KIRREL3: variants seen among roughly 807,000 people sequenced by gnomAD.
The protein encoded by KIRREL3 is kirre like nephrin family adhesion molecule 3, also known as kin of IRRE-like protein 3.
Under a neutral mutation model 89.7 loss-of-function variants are expected in KIRREL3, and 36 were observed. The observed-to-expected ratio is 0.40, with a 90% CI of 0.31 to 0.53. The LOEUF (loss-of-function observed/expected upper bound fraction) is 0.53, where lower values mean the gene tolerates loss of function less well. Among genes scored for constraint, KIRREL3 ranks in the 20% least tolerant of loss-of-function variants. The pLI, the probability that KIRREL3 is intolerant of heterozygous loss-of-function variation, is 0.49. For synonymous variants in KIRREL3, 445 were observed against 441.4 expected (o/e 1.01, Z -0.10); for missense variants, 864 against 1,056.6 (o/e 0.82, Z 2.53).
chr11:126,998,795 CT>C (rs1950241168), intron 1 of KIRREL3, among the ~76,000 whole-genome samples: 1 of 152,170 alleles, frequency 6.6e-6, no homozygotes, highest in Admixed American at 6.5e-5. Context: ...AAAGCATGCA[CT>C]GGTCCCATGC....
intron 1 of KIRREL3, among the ~76,000 whole-genome samples, chr11:126,971,581 A>C (rs1446990369): frequency 6.6e-6 from 1 of 152,202 alleles, no homozygotes; most frequent in African/African-American, 2.4e-5. Context: ...TAGGAGAGTG[A>C]GTTCCTGTCG....
chr11:126,714,742 C>T (rs1291238717), intron 1 of KIRREL3, among the ~76,000 whole-genome samples: 7 of 152,128 alleles, frequency 4.6e-5, no homozygotes, highest in Non-Finnish European at 1.0e-4. Context: ...CTACTCACTT[C>T]CTCCCTCCCC....
At chr11:126,753,014 G>A (rs1215952213) in intron 1 of KIRREL3, among the ~76,000 whole-genome samples, 1 of 152,092 alleles carries the variant, frequency 6.6e-6, no homozygotes, top group Non-Finnish European at 1.5e-5. Context: ...TGACCCATGG[G>A]TACAAAGATC....
chr11:126,997,533 A>G lies in KIRREL3; in HGVS notation c.55+2922T>C, dbSNP rs891680240. 4.1e-5 allele frequency among the ~76,000 whole-genome samples: 6 copies of G among 148,118 alleles called. No individual in the cohort carries two copies. The highest frequency in any genetic ancestry group is 1.5e-4 in the African/African-American group (6 of 39,416). On this transcript the variant is annotated intron_variant, in intron 1 of 16. Transcript: ENST00000525144. This position sits in a 1 kb window ranked among gnomAD's most constrained non-coding sequence, Gnocchi z 4.3. ...ATACTTGATCTCAATCTACATGAAA[A>G]GCCCAAACTTTCAAAGAATAGGGAC...
rs1330217899 is a variant in KIRREL3 at position 126,702,795 on chromosome 11, GTGTGT to G, written c.56-139888_56-139884del. Among the ~76,000 whole-genome samples the G allele has an allele frequency of 2.6e-5, 4 of 152,196 alleles. No individual in the cohort carries two copies. The East Asian group carries it at 7.7e-4, about 29-fold the overall frequency. ...CTAGGAGGTGGATGCTCTGCAGAGA[GTGTGT>G]GTGTCTGATCTGAGGCCTGTGGTCC... On this transcript the variant is annotated intron_variant, in intron 1 of 16. Transcript: ENST00000525144.
Position 126,653,417 on chromosome 11 carries a change from C to T in KIRREL3, c.56-90505G>A, listed in dbSNP as rs544503. On this transcript the variant is annotated intron_variant, in intron 1 of 16. Transcript: ENST00000525144. This position sits in a 1 kb window ranked among gnomAD's most constrained non-coding sequence, Gnocchi z 5.4. ...GACCTTGTGGGGAATCACTCTCTAGCGCCTCACCGTCTTTGCTGTAAGATG... is the reference window on the plus strand; with the variant it reads ...GACCTTGTGGGGAATCACTCTCTAGTGCCTCACCGTCTTTGCTGTAAGATG... Among the ~76,000 whole-genome samples the T allele has an allele frequency of 2.0e-5, 3 of 152,004 alleles. No homozygotes were observed. The highest frequency in any genetic ancestry group is 2.4e-5 in the African/African-American group (1 of 41,412).
At chr11:126,824,332 G>A (rs1472181057) in intron 1 of KIRREL3, among the ~76,000 whole-genome samples, 1 of 152,178 alleles carries the variant, frequency 6.6e-6, no homozygotes, top group African/African-American at 2.4e-5. Context: ...ACCTGTGCCA[G>A]GTGCATTCAC....
Position 126,462,907 on chromosome 11 carries a change from T to A in KIRREL3, c.742+250A>T, listed in dbSNP as rs1160115825. Among the ~76,000 whole-genome samples, 1 of 152,174 alleles carries A rather than the reference T, an allele frequency of 6.6e-6. No homozygotes were observed. The highest frequency in any genetic ancestry group is 1.5e-5 in the Non-Finnish European group (1 of 68,026). On this transcript the variant is annotated intron_variant, in intron 6 of 16. Transcript: ENST00000525144. The surrounding 1 kb of genome is among the most constrained non-coding windows in gnomAD (Gnocchi z 4.8). ...CTGACCGTATTTATTGGTGTGAAAG[T>A]CCCACCTTGTACAGGTGTTGAAATG...
intron 1 of KIRREL3, among the ~76,000 whole-genome samples, chr11:126,831,708 GT>G (rs889719892): frequency 1.4e-3 from 213 of 151,558 alleles, no homozygotes; most frequent in African/African-American, 4.8e-3. Context: ...GTATTTTCTA[GT>G]TTTTTTTTGA....
rs1195462190 is a variant in KIRREL3, at chr11:126,817,342, G to A, written c.55+183113C>T. Among the ~76,000 whole-genome samples, 1 of 152,182 alleles carries A rather than the reference G, an allele frequency of 6.6e-6. No homozygotes were observed. Among genetic ancestry groups the A allele is most frequent in the Non-Finnish European group, 1.5e-5 (1 of 68,028 alleles). ...GATGCAGTGTACCACAGAAAATGGTGGTGATGATGACAGCCAGTCAACAGA... is the reference window on the plus strand; with the variant it reads ...GATGCAGTGTACCACAGAAAATGGTAGTGATGATGACAGCCAGTCAACAGA... On this transcript the variant is annotated intron_variant, in intron 1 of 16. Coordinates refer to ENST00000525144, the MANE Select transcript of KIRREL3 (RefSeq NM_032531.4). This position sits in a 1 kb window ranked among gnomAD's most constrained non-coding sequence, Gnocchi z 5.7.
chr11:126,666,321 G>C lies in KIRREL3; in HGVS notation c.56-103409C>G, dbSNP rs1193038065. On this transcript the variant is annotated intron_variant, in intron 1 of 16. Coordinates refer to ENST00000525144, the MANE Select transcript of KIRREL3 (RefSeq NM_032531.4). The surrounding 1 kb of genome is among the most constrained non-coding windows in gnomAD (Gnocchi z 4.2). Reference sequence around the variant, plus strand: ...CCAGGCACCCGTTCCTCTTTCTGCAGGGATAAGAGTGAGCATGGAAGTACT... The same window carrying C: ...CCAGGCACCCGTTCCTCTTTCTGCACGGATAAGAGTGAGCATGGAAGTACT... 6.6e-6 allele frequency among the ~76,000 whole-genome samples: 1 copy of C among 152,178 alleles called. No individual in the cohort carries two copies. Among genetic ancestry groups the C allele is most frequent in the Non-Finnish European group, 1.5e-5 (1 of 68,030 alleles).
intron 1 of KIRREL3, among the ~76,000 whole-genome samples, chr11:126,889,454 T>C (rs886970047): frequency 1.3e-5 from 2 of 152,198 alleles, no homozygotes; most frequent in Non-Finnish European, 2.9e-5. Flanking sequence ...CACCATGATT[T>C]GTTTTGGTTT....
intron 1 of KIRREL3, among the ~76,000 whole-genome samples, chr11:126,813,030 C>A (rs1252267997): frequency 1.8e-4 from 27 of 152,200 alleles, no homozygotes; most frequent in Admixed American, 1.8e-3. Flanking sequence ...CCACAGCTCA[C>A]TATGTGTCAA....
chr11:126,826,738 A>G (rs1269994407), intron 1 of KIRREL3, among the ~76,000 whole-genome samples: 1 of 152,210 alleles, frequency 6.6e-6, no homozygotes. Flanking sequence ...ACCTGACAGC[A>G]CCATTTCTAC....
At position 126,607,855 on chromosome 11, in the gene KIRREL3, C is replaced by T. The variant is rs929389636; in HGVS notation, c.56-44943G>A. Among the ~76,000 whole-genome samples the T allele has an allele frequency of 1.3e-5, 2 of 152,156 alleles. No homozygotes were observed. Among genetic ancestry groups the T allele is most frequent in the Non-Finnish European group, 2.9e-5 (2 of 68,032 alleles). ...AGCACTTGCAATCAAGACAGAGTTG[C>T]CACCCACTGCAAGGACGAACATCAC... On this transcript the variant is annotated intron_variant, in intron 1 of 16. Transcript: ENST00000525144. The surrounding 1 kb of genome is among the most constrained non-coding windows in gnomAD (Gnocchi z 6.6).
At chr11:126,767,532 G>A (rs781007174) in intron 1 of KIRREL3, among the ~76,000 whole-genome samples, 3 of 152,202 alleles carry the variant, frequency 2.0e-5, no homozygotes, top group Non-Finnish European at 4.4e-5. Context: ...CTTGTTGGCT[G>A]TGTATAATGA....
chr11:126,996,240 T>C lies in KIRREL3; in HGVS notation c.55+4215A>G, dbSNP rs184283881. Among the ~76,000 whole-genome samples, 1 of 152,318 alleles carries C rather than the reference T, an allele frequency of 6.6e-6. No homozygotes were observed. Among genetic ancestry groups the C allele is most frequent in the East Asian group, 1.9e-4 (1 of 5,180 alleles). On this transcript the variant is annotated intron_variant, in intron 1 of 16. Coordinates refer to ENST00000525144, the MANE Select transcript of KIRREL3 (RefSeq NM_032531.4). The surrounding 1 kb of genome is among the most constrained non-coding windows in gnomAD (Gnocchi z 4.7). ...GCACAAAAGAACTGATTCTTCTTCC[T>C]CTAGACAAGACGTCATCCCACATGG...
intron 1 of KIRREL3, among the ~76,000 whole-genome samples, chr11:126,958,865 T>G (rs755752248): frequency 4.6e-5 from 7 of 152,210 alleles, no homozygotes; most frequent in Non-Finnish European, 1.0e-4. Flanking sequence ...TCAACTCGAC[T>G]GGGTTATAAA....
At chr11:126,929,954 C>T (rs938656392) in intron 1 of KIRREL3, among the ~76,000 whole-genome samples, 1 of 152,020 alleles carries the variant, frequency 6.6e-6, no homozygotes, top group Non-Finnish European at 1.5e-5. Context: ...AGCCACCCCC[C>T]CCCCCCCACC....
Sources: gnomAD v4.1 joint callset for allele counts (sites outside exome capture counted in the v4.1 genomes callset) on GRCh38, gnomAD v4.1.1 for gene constraint, Gnocchi (gnomAD v3.1) non-coding constraint, MANE v1.5 for transcripts, NCBI Gene and HGNC (gene_info 2026-07-23, HGNC 2026-07-21) for gene names.